SETD5: variants seen among roughly 807,000 people sequenced by gnomAD.
The protein encoded by SETD5 is histone-lysine N-methyltransferase SETD5.
Under a neutral mutation model 153.3 loss-of-function variants are expected in SETD5, and 44 were observed. The ratio of observed to expected loss-of-function variants is 0.29; its 90% CI spans 0.23 to 0.37. The LOEUF (loss-of-function observed/expected upper bound fraction) is 0.37, where lower values mean the gene tolerates loss of function less well. Among genes scored for constraint, SETD5 ranks in the 10% least tolerant of loss-of-function variants. SETD5 has a pLI of 1.00. For synonymous variants in SETD5, 716 were observed against 645.2 expected, an observed-to-expected ratio of 1.11 and a Z score of -1.66; for missense variants, 1,544 against 1,768.0, an observed-to-expected ratio of 0.87 and a Z score of 2.27.
intron 20 of SETD5, among the ~76,000 whole-genome samples, chr3:9,474,123 A>C (rs969468110): frequency 1.3e-5 from 2 of 152,236 alleles, no homozygotes; most frequent in African/African-American, 2.4e-5. Context: ...TCATTAATCT[A>C]TGAAACCTTT....
chr3:9,462,432 A>G (rs985709505), intron 17 of SETD5, among the ~76,000 whole-genome samples: 14 of 151,906 alleles, frequency 9.2e-5, no homozygotes, highest in African/African-American at 3.1e-4. Flanking sequence ...CTAAAAATAC[A>G]AAAAATTAGC....
chr3:9,426,274 T>A (rs2039232559), intron 2 of SETD5: 1 of 141,986 alleles, frequency 7.0e-6, no homozygotes, highest in African/African-American at 2.6e-5. Context: ...CTCACTTTGT[T>A]GCCCAGGCTG....
rs1432148935 is a variant in SETD5 at position 9,457,882 on chromosome 3, T to C, written c.2476+4014T>C. On this transcript the variant is annotated intron_variant, in intron 17 of 22. Coordinates refer to ENST00000402198, the MANE Select transcript of SETD5 (RefSeq NM_001080517.3). Reference sequence around the variant, plus strand: ...TAGTTCCCATGAAACTGCCTTGTTTTTGGAATTTGATTAAATGATTCTGAA... The same window carrying C: ...TAGTTCCCATGAAACTGCCTTGTTTCTGGAATTTGATTAAATGATTCTGAA... Among the ~76,000 whole-genome samples, 3 of 151,866 alleles carry C rather than the reference T, an allele frequency of 2.0e-5. No homozygotes were observed. In the East Asian group the frequency reaches 5.8e-4, roughly 29 times the overall value.
rs749891121 is a variant in SETD5, at chr3:9,445,667, A to G, written c.1451A>G (p.Asn484Ser). The change falls in exon 13 of 23, where the codon AAT (asparagine) becomes AGT (serine). Residue 484 changes from asparagine to serine, a missense_variant. Asn to Ser is a conservative substitution (Grantham distance 46). This residue lies in a region of SETD5 where 782 missense variants were observed against 787.2 expected (regional missense o/e 0.99). Coordinates refer to ENST00000402198, the MANE Select transcript of SETD5 (RefSeq NM_001080517.3). ...TVSSDHEEVD[N>S]PEEKPEEEKE... ...GCCTCTATCTTAAAGGAAGTAGACA[A>G]TCCAGAAGAAAAACCAGAAGAAGAG... 80 of 1,613,436 alleles carry G rather than the reference A, an allele frequency of 5.0e-5. No homozygotes were observed. In the South Asian group the frequency reaches 8.8e-4, roughly 18 times the overall value.
At position 9,475,130 on chromosome 3, in the gene SETD5, T is replaced by C. The variant is rs1208992903; in HGVS notation, c.3694T>C (p.Tyr1232His). ...AGCACTCTCTAAAGGAGCAACAGTT[T>C]ACAGCCCTTCCAGATACAGCTACCA... is the stretch of plus-strand genomic sequence containing the variant. ...SSALSKGATV[Y>H]SPSRYSYQLL... The change falls in exon 22 of 23, where the codon TAC becomes CAC. Residue 1232 changes from tyrosine (Y) to histidine (H), a missense_variant. Tyr to His is a moderately conservative substitution (Grantham distance 83). This residue lies in a region of SETD5 where 302 missense variants were observed against 277.6 expected (regional missense o/e 1.09). Transcript: ENST00000402198. 6.3e-7 allele frequency: 1 copy of C among 1,589,290 alleles called. No individual in the cohort carries two copies. Among genetic ancestry groups the C allele is most frequent in the South Asian group, 1.2e-5 (1 of 86,514 alleles).
chr3:9,461,127 T>G (rs1193836506), intron 17 of SETD5, among the ~76,000 whole-genome samples: 1 of 152,172 alleles, frequency 6.6e-6, no homozygotes. Flanking sequence ...AACACCTCAG[T>G]AGAATGCAGG....
intron 17 of SETD5, among the ~76,000 whole-genome samples, chr3:9,454,591 C>T (rs1426848361): frequency 7.5e-6 from 1 of 133,914 alleles, no homozygotes; most frequent in Non-Finnish European, 1.5e-5. Context: ...CACTGCACTC[C>T]AGCCTGGGCG....
chr3:9,429,777 C>T, intron 3 of SETD5: 2 of 1,202,112 alleles, frequency 1.7e-6, no homozygotes, highest in Non-Finnish European at 2.2e-6. Context: ...CTCACAGATT[C>T]CCCCTCTTGT....
At chr3:9,464,284 G>T (rs1559474073) in intron 17 of SETD5, 141 bp from the exon 18 acceptor site, 1 of 1,072,818 alleles carries the variant, frequency 9.3e-7, no homozygotes, top group East Asian at 2.4e-5. Context: ...TTGGGATTTT[G>T]GTTGGATTGG....
chr3:9,426,842 C>A (rs945053148), intron 2 of SETD5, among the ~76,000 whole-genome samples: 8 of 152,132 alleles, frequency 5.3e-5, no homozygotes, highest in African/African-American at 1.9e-4. Context: ...CTGGCCCAGT[C>A]ATTTCCCAGC....
At chr3:9,445,459 C>A in intron 12 of SETD5, 159 bp downstream of exon 12, 1 of 989,604 alleles carries the variant, frequency 1.0e-6, no homozygotes, top group East Asian at 2.6e-5. Flanking sequence ...TTCTGTTTTA[C>A]AAAGTCAAAA....
chr3:9,459,536 C>T (rs538621627), intron 17 of SETD5, among the ~76,000 whole-genome samples: 89 of 151,324 alleles, frequency 5.9e-4, no homozygotes, highest in African/African-American at 2.1e-3. Flanking sequence ...TTTGGGAGGC[C>T]GAGGCAGGCG....
intron 2 of SETD5, chr3:9,426,251 T>G (rs1479479182): frequency 7.3e-6 from 1 of 136,114 alleles, no homozygotes; most frequent in East Asian, 2.0e-4. Flanking sequence ...TTTTTTTTTT[T>G]TGGCAACAGG....
chr3:9,463,880 C>T (rs948383225), intron 17 of SETD5, among the ~76,000 whole-genome samples: 2 of 152,238 alleles, frequency 1.3e-5, no homozygotes, highest in African/African-American at 2.4e-5. Flanking sequence ...GTAATCCCAA[C>T]ACTTGGGGCG....
chr3:9,460,779 T>C (rs9845420), intron 17 of SETD5, among the ~76,000 whole-genome samples: 38,745 of 152,076 alleles, frequency 0.25, 6,681 homozygotes, highest in African/African-American at 0.49. Context: ...CTACCCCATA[T>C]TTAAGTATGT....
rs1189108818 is a variant in SETD5, at chr3:9,434,526, G to A, written c.329+41G>A. On this transcript the variant is annotated intron_variant, in intron 5 of 22. Coordinates refer to ENST00000402198, the MANE Select transcript of SETD5 (RefSeq NM_001080517.3). The surrounding 1 kb of genome is among the most constrained non-coding windows in gnomAD (Gnocchi z 5.6). The stretch of plus-strand genomic sequence containing the variant: ...ATCTAAATTTAAGTCTGGGTTGCTG[G>A]GATTAGGGTTTCTTACAAGTAGGGA... 1 of 1,611,192 alleles carries A rather than the reference G, an allele frequency of 6.2e-7. No individual in the cohort carries two copies. The highest frequency in any genetic ancestry group is 8.5e-7 in the Non-Finnish European group (1 of 1,178,332).
intron 18 of SETD5, among the ~76,000 whole-genome samples, chr3:9,467,213 AAAAAAAAAAAAC>A (rs2044705018): frequency 6.6e-6 from 1 of 151,304 alleles, no homozygotes; most frequent in Non-Finnish European, 1.5e-5. Flanking sequence ...AAAAAAAAAA[AAAAAAAAAAAAC>A]AACCTTACTA....
chr3:9,474,786 T>C (rs530156906), intron 21 of SETD5: 3 of 694,158 alleles, frequency 4.3e-6, no homozygotes, highest in African/African-American at 3.6e-5. Context: ...TGCTCTTTTT[T>C]CCCCAAGGAA....
intron 1 of SETD5, among the ~76,000 whole-genome samples, chr3:9,422,004 A>G (rs4078527): frequency 0.052 from 7,876 of 152,184 alleles, 304 homozygotes; most frequent in Admixed American, 0.11. Flanking sequence ...AAGTTTAGAG[A>G]AGTGCTTTAT....
Sources: allele counts gnomAD v4.1 joint callset (sites outside exome capture counted in the v4.1 genomes callset), GRCh38; gene constraint gnomAD v4.1.1; regional missense constraint gnomAD v4.1.1; non-coding constraint Gnocchi (gnomAD v3.1); transcripts MANE v1.5; gene names NCBI Gene and HGNC (gene_info 2026-07-23, HGNC 2026-07-21).